The following NTM variants were observed in gnomAD, a reference collection of about 807,000 sequenced individuals.
NTM encodes neurotrimin.
A neutral mutation model predicts 42.1 loss-of-function variants in NTM; 13 were observed. That is an observed-to-expected ratio of 0.31 (90% CI 0.20 to 0.49). The LOEUF is 0.49. Among genes scored for constraint, NTM ranks in the 20% least tolerant of loss-of-function variants. The pLI is 0.99. For missense variants in NTM, 373 were observed against 452.8 expected (o/e 0.82, Z 1.60); for synonymous variants, 187 against 179.2 (o/e 1.04, Z -0.35).
rs370510089 is a variant in NTM, at chr11:131,547,410, C to T, written c.82+176522C>T. On this transcript the variant is annotated intron_variant, in intron 1 of 8. Transcript: ENST00000683400. ...AGAGAGAATGCTGGCCTGATCCAGACGATCTTCAACGTCTTGCACGGGAAG... is the reference window on the plus strand; with the variant it reads ...AGAGAGAATGCTGGCCTGATCCAGATGATCTTCAACGTCTTGCACGGGAAG... Among the ~76,000 whole-genome samples, 253 of 152,298 alleles carry T rather than the reference C, an allele frequency of 1.7e-3. 2 individuals are homozygous for T. Among genetic ancestry groups the T allele is most frequent in the South Asian group, 8.5e-3 (41 of 4,822 alleles).
chr11:132,189,848 G>A (rs1265600135), intron 3 of NTM, among the ~76,000 whole-genome samples: 2 of 152,202 alleles, frequency 1.3e-5, no homozygotes, highest in Non-Finnish European at 2.9e-5. Flanking sequence ...AATCGTTTGT[G>A]GTGCTCCTAC....
chr11:131,565,363 A>G (rs1333815540), intron 1 of NTM, among the ~76,000 whole-genome samples: 1 of 152,070 alleles, frequency 6.6e-6, no homozygotes, highest in East Asian at 1.9e-4. Flanking sequence ...TCCAACCAAT[A>G]TTGTTGGCCC....
intron 1 of NTM, among the ~76,000 whole-genome samples, chr11:131,859,074 ACATCCATCCATC>A (rs772277900): frequency 6.6e-6 from 1 of 152,084 alleles, no homozygotes; most frequent in Non-Finnish European, 1.5e-5. Flanking sequence ...TTCCCCTTCA[ACATCCATCCATC>A]CATCCATCCG....
intron 2 of NTM, among the ~76,000 whole-genome samples, chr11:132,132,358 G>T (rs924498761): frequency 2.6e-5 from 4 of 152,210 alleles, no homozygotes; most frequent in African/African-American, 9.6e-5. Context: ...TCAATTGCCT[G>T]TGCAGGTTCT....
chr11:131,634,430 G>A (rs2064112447), intron 1 of NTM, among the ~76,000 whole-genome samples: 2 of 151,720 alleles, frequency 1.3e-5, no homozygotes, highest in African/African-American at 2.4e-5. Context: ...CAAAGAGACT[G>A]TCTCTCTGCA....
At chr11:131,489,813 C>T (rs1954583992) in intron 1 of NTM, among the ~76,000 whole-genome samples, 1 of 152,220 alleles carries the variant, frequency 6.6e-6, no homozygotes, top group Non-Finnish European at 1.5e-5. Context: ...ATTCACTTAC[C>T]TCTCCATTCT....
chr11:131,531,979 T>C lies in NTM; in HGVS notation c.82+161091T>C, dbSNP rs368725832. Among the ~76,000 whole-genome samples, 95 of 152,324 alleles carry C rather than the reference T, an allele frequency of 6.2e-4. No homozygotes were observed. In the South Asian group the frequency reaches 6.6e-3, roughly 11 times the overall value. On this transcript the variant is annotated intron_variant, in intron 1 of 8. Coordinates refer to ENST00000683400, the MANE Select transcript of NTM (RefSeq NM_001352005.2). The stretch of plus-strand genomic sequence containing the variant: ...TTTGCTGGGGAGAAAGGAAAGGTCA[T>C]AGTCAGCCTGCAAGATCTGCTGCCT...
intron 3 of NTM, among the ~76,000 whole-genome samples, chr11:132,195,805 C>T (rs2080117230): frequency 6.6e-6 from 1 of 152,156 alleles, no homozygotes; most frequent in African/African-American, 2.4e-5. Flanking sequence ...AAATTTAACT[C>T]AAGATGGATT....
chr11:131,568,863 A>G (rs928594265), intron 1 of NTM, among the ~76,000 whole-genome samples: 3 of 152,206 alleles, frequency 2.0e-5, no homozygotes, highest in Non-Finnish European at 4.4e-5. Flanking sequence ...GCCCAGCTGT[A>G]TACTTAATAG....
At chr11:131,807,634 C>T (rs1390407855) in intron 1 of NTM, among the ~76,000 whole-genome samples, 2 of 152,130 alleles carry the variant, frequency 1.3e-5, no homozygotes, top group African/African-American at 4.8e-5. Flanking sequence ...AGAAAGATCT[C>T]AATAAGTGTT....
At position 132,106,003 on chromosome 11, in the gene NTM, A is replaced by C. The variant is rs903945355; in HGVS notation, c.168-40279A>C. The stretch of plus-strand genomic sequence containing the variant: ...AGCAAGGGAAGCTTAAACCTAAGTC[A>C]ATTTGAGGGTGGCCTGGGATCATGG... On this transcript the variant is annotated intron_variant, in intron 2 of 8. Transcript: ENST00000683400. 2.0e-5 allele frequency among the ~76,000 whole-genome samples: 3 copies of C among 152,264 alleles called. No individual in the cohort carries two copies. In the South Asian group the frequency reaches 6.2e-4, roughly 32 times the overall value.
chr11:131,704,326 C>G (rs543958862), intron 1 of NTM, among the ~76,000 whole-genome samples: 7 of 152,232 alleles, frequency 4.6e-5, no homozygotes, highest in Admixed American at 1.3e-4. Context: ...CCTCACAGAT[C>G]CAGGCACTGG....
At chr11:131,444,042 T>C (rs964142686) in intron 1 of NTM, among the ~76,000 whole-genome samples, 4 of 152,106 alleles carry the variant, frequency 2.6e-5, no homozygotes, top group African/African-American at 7.2e-5. Flanking sequence ...ATGTTTGCGT[T>C]ATTAAATTGC....
At chr11:131,445,156 C>G (rs1434267210) in intron 1 of NTM, among the ~76,000 whole-genome samples, 31 of 152,194 alleles carry the variant, frequency 2.0e-4, no homozygotes, top group Admixed American at 2.0e-3. Flanking sequence ...TAATATTTAA[C>G]TTTCCTCCCA....
In NTM at chr11:132,152,503, CTG is replaced by C. The variant is rs887843308; in HGVS notation, c.400+5995_400+5996del. 9.9e-5 allele frequency among the ~76,000 whole-genome samples: 15 copies of C among 152,174 alleles called. 1 individual carries two copies. The highest frequency in any genetic ancestry group is 3.3e-4 in the Admixed American group (5 of 15,280). On this transcript the variant is annotated intron_variant, in intron 3 of 8. Transcript: ENST00000683400. The stretch of plus-strand genomic sequence containing the variant: ...ATGTATATTTGGTCTGGTCATAAGA[CTG>C]TGTGTCTAAATTTGATAGAACTTTG...
intron 3 of NTM, among the ~76,000 whole-genome samples, chr11:132,149,805 A>G (rs920956551): frequency 1.3e-5 from 2 of 152,180 alleles, no homozygotes; most frequent in African/African-American, 4.8e-5. Context: ...AGGCGGCAGA[A>G]AGGAGGAGAC....
At chr11:131,624,438 G>T (rs1206194659) in intron 1 of NTM, among the ~76,000 whole-genome samples, 1 of 152,074 alleles carries the variant, frequency 6.6e-6, no homozygotes, top group African/African-American at 2.4e-5. Context: ...TTGTGGTCCT[G>T]CAGGTACAGA....
chr11:131,508,500 G>A (rs71483674), intron 1 of NTM, among the ~76,000 whole-genome samples: 15,660 of 104,094 alleles, frequency 0.15, 484 homozygotes, highest in Middle Eastern at 0.29. Context: ...ATCTAGAACT[G>A]GAAATACCAT....
chr11:131,492,537 A>G (rs1364733925), intron 1 of NTM, among the ~76,000 whole-genome samples: 1 of 152,148 alleles, frequency 6.6e-6, no homozygotes, highest in Non-Finnish European at 1.5e-5. Flanking sequence ...ATGGCTCCAA[A>G]TTCACAAGCC....
Sources: gnomAD v4.1 joint callset for allele counts (sites outside exome capture counted in the v4.1 genomes callset) on GRCh38, gnomAD v4.1.1 for gene constraint, MANE v1.5 for transcripts, NCBI Gene and HGNC (gene_info 2026-07-23, HGNC 2026-07-21) for gene names.